CELF4: variants seen among roughly 807,000 people sequenced by gnomAD.
The protein encoded by CELF4 is CUGBP Elav-like family member 4.
CELF4 carries 18 observed loss-of-function variants against 59.9 expected under a neutral mutation model. The observed-to-expected ratio is 0.30, with a 90% CI of 0.21 to 0.45. The LOEUF (loss-of-function observed/expected upper bound fraction) is 0.45, where lower values mean the gene tolerates loss of function less well. CELF4 is among the 20% of genes least tolerant of loss of function. The pLI is 1.00. For synonymous variants in CELF4, 261 were observed against 267.1 expected, an observed-to-expected ratio of 0.98 and a Z score of 0.22; for missense variants, 456 against 689.0, an observed-to-expected ratio of 0.66 and a Z score of 3.79.
chr18:37,276,571 C>G (rs975268122), intron 3 of CELF4: 9 of 152,156 alleles, frequency 5.9e-5, no homozygotes, highest in Admixed American at 5.9e-4. Flanking sequence ...CAGCTGACAG[C>G]CAACATCGAC....
Position 37,555,227 on chromosome 18 carries a change from G to T in CELF4, c.286+10129C>A, listed in dbSNP as rs2154606053. Among the ~76,000 whole-genome samples, 3 of 152,332 alleles carry T rather than the reference G, an allele frequency of 2.0e-5. No homozygotes were observed. The South Asian group carries it at 6.2e-4, about 32-fold the overall frequency. ...AAGCATGCTTTCCGTGCCTCATCCG[G>T]TGAGACCAAGCCAAGCCAAGTATTG... is the stretch of plus-strand genomic sequence containing the variant. On this transcript the variant is annotated intron_variant, in intron 1 of 12. Transcript: ENST00000420428.
intron 2 of CELF4, among the ~76,000 whole-genome samples, chr18:37,426,483 AC>A: frequency 6.6e-6 from 1 of 152,310 alleles, no homozygotes; most frequent in Middle Eastern, 3.4e-3. Context: ...GTCAATGACC[AC>A]CCAGGGGCTG....
intron 1 of CELF4, among the ~76,000 whole-genome samples, chr18:37,530,909 A>G (rs1367866673): frequency 6.6e-6 from 1 of 152,092 alleles, no homozygotes; most frequent in Admixed American, 6.5e-5. Context: ...TAGAAAAAAA[A>G]AAAAAGGACT....
intron 1 of CELF4, among the ~76,000 whole-genome samples, chr18:37,523,059 A>AG (rs764377622): frequency 1.6e-4 from 25 of 152,154 alleles, no homozygotes; most frequent in Non-Finnish European, 3.4e-4. Flanking sequence ...CAGATTCACA[A>AG]GGGGGGCGGG....
chr18:37,550,055 C>G (rs2099982659), intron 1 of CELF4, among the ~76,000 whole-genome samples: 1 of 113,432 alleles, frequency 8.8e-6, no homozygotes, highest in African/African-American at 3.4e-5. Flanking sequence ...GAAGATATCT[C>G]CATCAACTGG....
chr18:37,407,116 A>C (rs1487765924), intron 2 of CELF4, among the ~76,000 whole-genome samples: 2 of 152,198 alleles, frequency 1.3e-5, no homozygotes, highest in Admixed American at 1.3e-4. Context: ...CAGTTTCCTT[A>C]CATCTTTGTG....
intron 3 of CELF4, among the ~76,000 whole-genome samples, chr18:37,319,607 C>T (rs536987164): frequency 4.4e-4 from 67 of 152,336 alleles, no homozygotes; most frequent in African/African-American, 1.4e-3. Context: ...GGCACAGGCC[C>T]CAAGGATGAA....
chr18:37,252,076 G>A (rs559872471), intron 12 of CELF4, among the ~76,000 whole-genome samples: 1 of 152,300 alleles, frequency 6.6e-6, no homozygotes, highest in East Asian at 1.9e-4. Context: ...TCTGGGTGGA[G>A]GAAGGGTGTT....
chr18:37,324,312 G>A (rs1325959036), intron 2 of CELF4, among the ~76,000 whole-genome samples: 1 of 152,186 alleles, frequency 6.6e-6, no homozygotes, highest in Non-Finnish European at 1.5e-5. Flanking sequence ...GGTACTTAAG[G>A]TTGAATGGAG....
chr18:37,493,912 G>A (rs1569569644), intron 1 of CELF4, among the ~76,000 whole-genome samples: 1 of 152,174 alleles, frequency 6.6e-6, no homozygotes, highest in Non-Finnish European at 1.5e-5. Context: ...CCTCTGTGTG[G>A]TATGGGAAAA....
chr18:37,259,273 AGGGGAGGGGGTGGGCG>A lies in CELF4; in HGVS notation c.1250-25_1250-10del. ...GTTACAGCCCTCGGGCCCTGCGGTG[AGGGGAGGGGGTGGGCG>A]GGGGAGGAGGGATGGCAGGGTGGGG... On this transcript the variant is annotated splice_polypyrimidine_tract_variant and intron_variant, in intron 10 of 12. Coordinates refer to ENST00000420428, the MANE Select transcript of CELF4 (RefSeq NM_020180.4). 1.8e-4 allele frequency: 37 copies of A among 208,394 alleles called. No individual in the cohort carries two copies. The highest frequency in any genetic ancestry group is 2.8e-4 in the Non-Finnish European group (34 of 122,806). The allele number at this position is 208,394 out of a possible 1,614,324, so 12.9% of individuals were successfully genotyped here.
At chr18:37,341,077 C>T (rs1038536615) in intron 2 of CELF4, among the ~76,000 whole-genome samples, 6 of 152,212 alleles carry the variant, frequency 3.9e-5, no homozygotes, top group Non-Finnish European at 8.8e-5. Context: ...ACCAACCACT[C>T]AGACTCCCCA....
chr18:37,368,963 G>T (rs533983308), intron 2 of CELF4, among the ~76,000 whole-genome samples: 1 of 152,204 alleles, frequency 6.6e-6, no homozygotes, highest in Non-Finnish European at 1.5e-5. Flanking sequence ...GACCACATGC[G>T]CACTGCAAAC....
intron 3 of CELF4, among the ~76,000 whole-genome samples, chr18:37,317,873 T>C (rs2096922521): frequency 6.6e-6 from 1 of 151,850 alleles, no homozygotes. Context: ...CCACACCTCA[T>C]GTGTGTGGGT....
intron 2 of CELF4, among the ~76,000 whole-genome samples, chr18:37,372,047 T>C (rs2098896763): frequency 6.6e-6 from 1 of 152,226 alleles, no homozygotes; most frequent in African/African-American, 2.4e-5. Flanking sequence ...TGTAAACTAG[T>C]TCAACCATTG....
At chr18:37,559,873 C>G (rs1471958851) in intron 1 of CELF4, among the ~76,000 whole-genome samples, 2 of 152,184 alleles carry the variant, frequency 1.3e-5, no homozygotes, top group Non-Finnish European at 2.9e-5. Context: ...TGGGAATGCC[C>G]TGGGACACGA....
intron 2 of CELF4, among the ~76,000 whole-genome samples, chr18:37,464,967 T>C (rs1300683691): frequency 6.6e-6 from 1 of 152,170 alleles, no homozygotes; most frequent in South Asian, 2.1e-4. Context: ...TCCTGACTCC[T>C]CAGGATGCTG....
At chr18:37,484,479 G>T (rs1261533517) in intron 2 of CELF4, among the ~76,000 whole-genome samples, 1 of 152,202 alleles carries the variant, frequency 6.6e-6, no homozygotes, top group Non-Finnish European at 1.5e-5. Flanking sequence ...ATGTTATTAA[G>T]ATGACTCAGC....
At chr18:37,531,546 A>C (rs1354918136) in intron 1 of CELF4, among the ~76,000 whole-genome samples, 1 of 152,250 alleles carries the variant, frequency 6.6e-6, no homozygotes, top group Non-Finnish European at 1.5e-5. Context: ...CCTTTGATTA[A>C]TAAAAAATGG....
Sources: allele counts gnomAD v4.1 joint callset (sites outside exome capture counted in the v4.1 genomes callset), GRCh38; gene constraint gnomAD v4.1.1; transcripts MANE v1.5; gene names NCBI Gene and HGNC (gene_info 2026-07-23, HGNC 2026-07-21).